XRRA1: variants seen among roughly 807,000 people sequenced by gnomAD.
The protein encoded by XRRA1 is X-ray radiation resistance associated 1.
A neutral mutation model predicts 80.2 loss-of-function variants in XRRA1; 69 were observed. The observed-to-expected ratio is 0.86, with a 90% CI of 0.71 to 1.05. The LOEUF (loss-of-function observed/expected upper bound fraction) is 1.05, where lower values mean the gene tolerates loss of function less well. XRRA1 is among the 50% of genes least tolerant of loss of function. XRRA1 has a pLI of 0.00. For synonymous variants in XRRA1, 348 were observed against 389.9 expected, an observed-to-expected ratio of 0.89 and a Z score of 1.27; for missense variants, 967 against 976.4, an observed-to-expected ratio of 0.99 and a Z score of 0.13.
At chr11:74,846,074 G>GTTGCCTAAGGAGAGATGAAC (rs2038057361) in intron 15 of XRRA1, 1 of 152,096 alleles carries the variant, frequency 6.6e-6, no homozygotes, top group Non-Finnish European at 1.5e-5. Flanking sequence ...AGACCACCAG[G>GTTGCCTAAGGAGAGATGAAC]TTGCCTAAGG....
intron 10 of XRRA1, chr11:74,876,596 A>T (rs1248848166): frequency 6.6e-6 from 1 of 152,124 alleles, no homozygotes; most frequent in Non-Finnish European, 1.5e-5. Flanking sequence ...AGCCCAAGTT[A>T]GGAAGGGCCC....
At chr11:74,941,686 G>A (rs1260945215) in intron 2 of XRRA1, among the ~76,000 whole-genome samples, 1 of 152,142 alleles carries the variant, frequency 6.6e-6, no homozygotes, top group Non-Finnish European at 1.5e-5. Flanking sequence ...ACTTTACAAA[G>A]AGAGATCTGA....
intron 3 of XRRA1, among the ~76,000 whole-genome samples, chr11:74,938,192 G>T (rs549926049): frequency 6.6e-6 from 1 of 152,362 alleles, no homozygotes; most frequent in Admixed American, 6.5e-5. Context: ...TTGGGGGCTT[G>T]CCCTGGCTCA....
intron 10 of XRRA1, among the ~76,000 whole-genome samples, chr11:74,893,950 T>C (rs894475975): frequency 6.6e-6 from 1 of 152,250 alleles, no homozygotes; most frequent in Non-Finnish European, 1.5e-5. Context: ...TGCACATGTA[T>C]GTTCACCGCA....
chr11:74,891,029 G>A (rs1196212492), intron 10 of XRRA1, among the ~76,000 whole-genome samples: 2 of 152,190 alleles, frequency 1.3e-5, no homozygotes, highest in South Asian at 2.1e-4. Context: ...TAGAAAAAGA[G>A]GGAATCCTCC....
chr11:74,859,631 C>G (rs1349891148), intron 11 of XRRA1, among the ~76,000 whole-genome samples: 2 of 152,080 alleles, frequency 1.3e-5, no homozygotes, highest in Middle Eastern at 3.2e-3. Context: ...TGAATTGGCC[C>G]TTCTACACAG....
At chr11:74,858,104 C>G (rs1171756097) in intron 12 of XRRA1, among the ~76,000 whole-genome samples, 2 of 152,022 alleles carry the variant, frequency 1.3e-5, no homozygotes, top group Non-Finnish European at 2.9e-5. Flanking sequence ...AAGTTATGAG[C>G]AGAAATCAAT....
At chr11:74,920,424 T>G (rs2138909341) in intron 8 of XRRA1, among the ~76,000 whole-genome samples, 1 of 152,346 alleles carries the variant, frequency 6.6e-6, no homozygotes, top group South Asian at 2.1e-4. Context: ...CAATAGAATG[T>G]GCTAAGTATT....
At chr11:74,888,772 C>G (rs1047019564) in intron 10 of XRRA1, among the ~76,000 whole-genome samples, 1 of 152,150 alleles carries the variant, frequency 6.6e-6, no homozygotes, top group African/African-American at 2.4e-5. Flanking sequence ...GTGATGAATG[C>G]ACAAGCCTAT....
Position 74,936,991 on chromosome 11 carries a change from G to C in XRRA1, c.172C>G (p.Arg58Gly), listed in dbSNP as rs202056915. The C allele has an allele frequency of 1.2e-6, 2 of 1,613,800 alleles. No homozygotes were observed. Among genetic ancestry groups the C allele is most frequent in the Non-Finnish European group, 8.5e-7 (1 of 1,179,864 alleles). Residue 58 changes from arginine (R) to glycine (G), a missense_variant, in exon 4 of 19, where the codon CGT (arginine) becomes GGT (glycine). Physicochemically the swap from Arg to Gly is moderately radical, Grantham distance 125. Transcript: ENST00000684022. ...GAAGTCGCCTTCAGGCTTTCCCGACGTTCAGCTTGTGCTCCAACCAAACCC... is the reference window on the plus strand; with the variant it reads ...GAAGTCGCCTTCAGGCTTTCCCGACCTTCAGCTTGTGCTCCAACCAAACCC... ...PKGLVGAQAERRESLKATSFE... is the reference protein window; with the variant it reads ...PKGLVGAQAEGRESLKATSFE...
intron 3 of XRRA1, among the ~76,000 whole-genome samples, chr11:74,939,837 G>A (rs908390173): frequency 7.8e-6 from 1 of 128,410 alleles, no homozygotes; most frequent in Non-Finnish European, 1.8e-5. Context: ...GTGTGAGAGA[G>A]TGACATAGAG....
intron 3 of XRRA1, 141 bp from the exon 4 acceptor site, chr11:74,937,209 G>T: frequency 1.2e-6 from 1 of 849,794 alleles, no homozygotes; most frequent in Non-Finnish European, 1.7e-6. Context: ...GCAGCTGGGG[G>T]TAGGGGAGAT....
rs754341923 is a variant in XRRA1 at position 74,863,144 on chromosome 11, G to A, written c.1004-123C>T. On this transcript the variant is annotated intron_variant, in intron 10 of 18. Coordinates refer to ENST00000684022, the MANE Select transcript of XRRA1 (RefSeq NM_001378157.1). ...GCACCTCCTAGAGGGAGTTCTCATT[G>A]GTCCTCAGCCCCAGTGCTAACTAGG... The A allele has an allele frequency of 4.6e-6, 4 of 877,030 alleles. No homozygotes were observed. The South Asian group carries it at 5.7e-5, about 13-fold the overall frequency. 54.3% of individuals were successfully genotyped at this position (877,030 alleles called of 1,614,324 possible). A position where few individuals can be genotyped will look rare whatever the true frequency, so the allele number is the denominator to read the frequency against.
At chr11:74,878,898 G>C in intron 10 of XRRA1, among the ~76,000 whole-genome samples, 1 of 151,866 alleles carries the variant, frequency 6.6e-6, no homozygotes. Context: ...CAGGTAGTGT[G>C]ATGCCTCCAG....
intron 10 of XRRA1, among the ~76,000 whole-genome samples, chr11:74,900,354 G>A (rs1474614203): frequency 6.6e-6 from 1 of 152,010 alleles, no homozygotes; most frequent in Non-Finnish European, 1.5e-5. Context: ...AGGCCAAGGT[G>A]GGCGGATCAC....
chr11:74,875,351 C>T (rs569004147), intron 10 of XRRA1, among the ~76,000 whole-genome samples: 1 of 152,286 alleles, frequency 6.6e-6, no homozygotes, highest in Admixed American at 6.5e-5. Flanking sequence ...TACTCCCCTG[C>T]AGAGGCAGAG....
chr11:74,949,028 T>G lies in XRRA1; in HGVS notation c.-173A>C, dbSNP rs1176874448. On this transcript the variant is annotated 5_prime_UTR_variant, in exon 1 of 19. Coordinates refer to ENST00000684022, the MANE Select transcript of XRRA1 (RefSeq NM_001378157.1). The stretch of plus-strand genomic sequence containing the variant: ...AGCCCCCCGGGGATCTCGGAGCCGC[T>G]CCACTGCGGTGCCTGCCGCTATCTT... The G allele has an allele frequency of 8.4e-6, 3 of 357,548 alleles. No homozygotes were observed. Among genetic ancestry groups the G allele is most frequent in the Non-Finnish European group, 1.6e-5 (3 of 193,402 alleles). The allele number at this position is 357,548 out of a possible 1,614,324, so 22.1% of individuals were successfully genotyped here.
intron 10 of XRRA1, among the ~76,000 whole-genome samples, chr11:74,872,429 A>T (rs1453477189): frequency 6.6e-6 from 1 of 152,174 alleles, no homozygotes; most frequent in Non-Finnish European, 1.5e-5. Flanking sequence ...CTTTCATAAT[A>T]GGGACCAGAA....
At chr11:74,879,411 G>C (rs926032799) in intron 10 of XRRA1, among the ~76,000 whole-genome samples, 33 of 152,260 alleles carry the variant, frequency 2.2e-4, no homozygotes, top group East Asian at 5.8e-4. Flanking sequence ...TGTCTGCAAA[G>C]AGGGACAATT....
Sources: gnomAD v4.1 joint callset for allele counts (sites outside exome capture counted in the v4.1 genomes callset) on GRCh38, gnomAD v4.1.1 for gene constraint, MANE v1.5 for transcripts, NCBI Gene and HGNC (gene_info 2026-07-23, HGNC 2026-07-21) for gene names.